TRMT112: variants seen among roughly 807,000 people sequenced by gnomAD.
The protein encoded by TRMT112 is tRNA methyltransferase activator subunit 11-2.
A neutral mutation model predicts 13.8 loss-of-function variants in TRMT112; 9 were observed. The observed-to-expected ratio is 0.65, with a 90% confidence interval of 0.39 to 1.14. TRMT112 has a LOEUF of 1.14. Ranked by LOEUF, TRMT112 falls within the 50% of genes most tolerant of loss-of-function variation. The pLI is 0.01. For missense variants in TRMT112, 196 were observed against 165.5 expected, an observed-to-expected ratio of 1.18 and a Z score of -1.01; for synonymous variants, 64 against 67.0, an observed-to-expected ratio of 0.96 and a Z score of 0.22.
Position 64,317,245 on chromosome 11 carries a change from G to A in TRMT112, c.180+19C>T, listed in dbSNP as rs1044602309. Reference sequence around the variant, plus strand: ...CCCGCATTCCCCGGGATATGCTGGGGCGGGGTAAGGATCCTCACGTTATCG... The same window carrying A: ...CCCGCATTCCCCGGGATATGCTGGGACGGGGTAAGGATCCTCACGTTATCG... On this transcript the variant is annotated intron_variant, in intron 2 of 3. Transcript: ENST00000544844. 2.5e-6 allele frequency: 4 copies of A among 1,608,074 alleles called. No homozygotes were observed. The African/African-American group carries it at 4.0e-5, about 16-fold the overall frequency.
chr11:64,317,175 C>T (rs1163008609), intron 2 of TRMT112, 28 bp from the exon 3 acceptor site: 1 of 1,612,746 alleles, frequency 6.2e-7, no homozygotes. Context: ...AAATTATCTC[C>T]GGGCATCCCG....
At chr11:64,317,009 A>G in intron 3 of TRMT112, 41 bp from the exon 4 acceptor site, 2 of 1,610,916 alleles carry the variant, frequency 1.2e-6, no homozygotes, top group Non-Finnish European at 1.7e-6. Flanking sequence ...TGGCAGCCTC[A>G]GTGCGGGAGG....
Position 64,317,048 on chromosome 11 carries a change from C to G in TRMT112, c.270+10G>C, listed in dbSNP as rs563755558. Reference sequence around the variant, plus strand: ...GTGGCCCGGGAAGCAAGTGATGGGCCGCTTCTCACCTCCAGCAGCAGGTGG... The same window carrying G: ...GTGGCCCGGGAAGCAAGTGATGGGCGGCTTCTCACCTCCAGCAGCAGGTGG... On this transcript the variant is annotated intron_variant, in intron 3 of 3. Transcript: ENST00000544844. 3.0e-5 allele frequency: 49 copies of G among 1,614,082 alleles called. No individual in the cohort carries two copies. The South Asian group carries it at 5.3e-4, about 17-fold the overall frequency.
chr11:64,318,474 C>T (rs1283058941), upstream of TRMT112: 3 of 1,481,622 alleles, frequency 2.0e-6, no homozygotes, highest in South Asian at 1.2e-5. Flanking sequence ...GCTTTATTTC[C>T]TGCCTGCCAG....
rs1391447686 is a variant in TRMT112, at chr11:64,316,721, A to G, written c.*140T>C. ...GTTTTAAACCTTTAATGAGAAAAAA[A>G]TATATAATACCGAGCTCAAAAACAC... On this transcript the variant is annotated 3_prime_UTR_variant, in exon 4 of 4. Coordinates refer to ENST00000544844, the MANE Select transcript of TRMT112 (RefSeq NM_016404.3). 3.1e-6 allele frequency: 2 copies of G among 639,138 alleles called. No individual in the cohort carries two copies. Among genetic ancestry groups the G allele is most frequent in the Non-Finnish European group, 5.6e-6 (2 of 355,224 alleles). The allele number at this position is 639,138 out of a possible 1,614,324, so 39.6% of individuals were successfully genotyped here. A position where few individuals can be genotyped will look rare whatever the true frequency, so the allele number is the denominator to read the frequency against.
intron 2 of TRMT112, 53 bp from the exon 3 acceptor site, chr11:64,317,200 C>T (rs1307814402): frequency 1.2e-6 from 2 of 1,611,634 alleles, no homozygotes; most frequent in Non-Finnish European, 1.7e-6. Context: ...CCCGCCTCAG[C>T]CCGGCTGAGG....
At chr11:64,318,384 A>G (rs1468555871), upstream of TRMT112, 2 of 1,605,612 alleles carry the variant, frequency 1.2e-6, no homozygotes, top group African/African-American at 1.3e-5. Flanking sequence ...GGCCCCAATC[A>G]AGGTGACCGC....
At chr11:64,318,141 TGTGCCGCTAGCG>T (rs936012017), upstream of TRMT112, 38 of 1,585,998 alleles carry the variant, frequency 2.4e-5, no homozygotes, top group African/African-American at 4.5e-4. Context: ...GTGTCGCCGC[TGTGCCGCTAGCG>T]GTGCCCCGCC....
At chr11:64,317,188 C>T (rs1216324390) in intron 2 of TRMT112, 41 bp from the exon 3 acceptor site, 1 of 1,612,164 alleles carries the variant, frequency 6.2e-7, no homozygotes, top group Non-Finnish European at 8.5e-7. Flanking sequence ...GCATCCCGAA[C>T]TCCCGCCTCA....
Position 64,317,031 on chromosome 11 carries a change from G to C in TRMT112, c.270+27C>G, listed in dbSNP as rs775631421. Reference sequence around the variant, plus strand: ...CTCAGTGCGGGAGGCAGGTGGCCCGGGAAGCAAGTGATGGGCCGCTTCTCA... The same window carrying C: ...CTCAGTGCGGGAGGCAGGTGGCCCGCGAAGCAAGTGATGGGCCGCTTCTCA... On this transcript the variant is annotated intron_variant, in intron 3 of 3. Transcript: ENST00000544844. 1.9e-6 allele frequency: 3 copies of C among 1,613,742 alleles called. No individual in the cohort carries two copies. The South Asian group carries it at 3.3e-5, about 18-fold the overall frequency.
chr11:64,316,772 G>A lies in TRMT112; in HGVS notation c.*89C>T. The A allele has an allele frequency of 1.2e-6, 1 of 851,488 alleles. No homozygotes were observed. 52.7% of individuals were successfully genotyped at this position (851,488 alleles called of 1,614,324 possible). A position where few individuals can be genotyped will look rare whatever the true frequency, so the allele number is the denominator to read the frequency against. On this transcript the variant is annotated 3_prime_UTR_variant, in exon 4 of 4. Coordinates refer to ENST00000544844, the MANE Select transcript of TRMT112 (RefSeq NM_016404.3). ...TGTGTTTGGTGTCATTGGGTCAAGG[G>A]TTGGGGATACACACGGCAGAATTCG...
Position 64,316,978 on chromosome 11 carries a change from G to A in TRMT112, c.271-10C>T, listed in dbSNP as rs573016315. 5.0e-6 allele frequency: 8 copies of A among 1,613,146 alleles called. No homozygotes were observed. In the South Asian group the frequency reaches 5.5e-5, roughly 11 times the overall value. ...CCTCTATCACTTCCACCTGCGGGCAGGGAGGGACAGAGCTGAGCACTGGCA... is the reference window on the plus strand; with the variant it reads ...CCTCTATCACTTCCACCTGCGGGCAAGGAGGGACAGAGCTGAGCACTGGCA... On this transcript the variant is annotated splice_polypyrimidine_tract_variant and intron_variant, in intron 3 of 3. Coordinates refer to ENST00000544844, the MANE Select transcript of TRMT112 (RefSeq NM_016404.3).
upstream of TRMT112, chr11:64,318,116 C>A: frequency 6.5e-7 from 1 of 1,528,610 alleles, no homozygotes; most frequent in Admixed American, 2.2e-5. Context: ...GCGGCCCAGG[C>A]CCGCCTTCCG....
upstream of TRMT112, chr11:64,317,683 T>C: frequency 1.2e-6 from 1 of 855,236 alleles, no homozygotes; most frequent in Non-Finnish European, 1.8e-6. Flanking sequence ...CTGAGGTAGG[T>C]AGGTGAAAGA....
chr11:64,317,511 G>C lies in TRMT112; in HGVS notation c.16C>G (p.His6Asp). 1 of 1,584,818 alleles carries C rather than the reference G, an allele frequency of 6.3e-7. No individual in the cohort carries two copies. Among genetic ancestry groups the C allele is most frequent in the East Asian group, 2.3e-5 (1 of 43,924 alleles). The change falls in exon 1 of 4, where the codon CAC becomes GAC. Residue 6 changes from histidine to aspartate, a missense_variant. Physicochemically the swap from His to Asp is moderately conservative, Grantham distance 81. Coordinates refer to ENST00000544844, the MANE Select transcript of TRMT112 (RefSeq NM_016404.3). The part of the protein sequence containing the change: MKLLT[H>D]NLLSSHVRGV... The stretch of plus-strand genomic sequence containing the variant: ...CGCACATGCGAGCTCAGCAGATTGT[G>C]GGTAAGCAGTTTCATGTCGCCGCAC...
chr11:64,318,469 A>G, upstream of TRMT112: 1 of 1,486,664 alleles, frequency 6.7e-7, no homozygotes, highest in Non-Finnish European at 9.0e-7. Flanking sequence ...GTATCGCTTT[A>G]TTTCCTGCCT....
At chr11:64,317,195 C>T in intron 2 of TRMT112, 48 bp from the exon 3 acceptor site, 3 of 1,612,024 alleles carry the variant, frequency 1.9e-6, no homozygotes, top group Non-Finnish European at 2.5e-6. Flanking sequence ...GAACTCCCGC[C>T]TCAGCCCGGC....
Position 64,317,483 on chromosome 11 carries a change from C to A in TRMT112, c.44G>T (p.Gly15Val), listed in dbSNP as rs774517266. ...CAGGGGGAAGCCACGGGACCCCACCCCCCGCACATGCGAGCTCAGCAGATT... is the reference window on the plus strand; with the variant it reads ...CAGGGGGAAGCCACGGGACCCCACCACCCGCACATGCGAGCTCAGCAGATT... ...THNLLSSHVR[G>V]VGSRGFPLRL... Residue 15 changes from glycine (G) to valine (V), a missense_variant, in exon 1 of 4, where the codon GGG (glycine) becomes GTG (valine). Physicochemically the swap from Gly to Val is moderately radical, Grantham distance 109. Transcript: ENST00000544844. The A allele has an allele frequency of 1.3e-5, 21 of 1,606,838 alleles. No individual in the cohort carries two copies. In the Admixed American group the frequency reaches 3.2e-4, roughly 25 times the overall value.
chr11:64,317,744 C>G (rs1407497543), upstream of TRMT112: 2 of 744,392 alleles, frequency 2.7e-6, no homozygotes, highest in African/African-American at 3.6e-5. Context: ...GAGGTTCCTA[C>G]GGCGCACGCC....
Sources: allele counts gnomAD v4.1 joint callset, GRCh38; gene constraint gnomAD v4.1.1; transcripts MANE v1.5; gene names NCBI Gene and HGNC (gene_info 2026-07-23, HGNC 2026-07-21).